Variants in TGFBI observed in about 807,000 individuals in gnomAD.
TGFBI encodes transforming growth factor-beta-induced protein ig-h3.
In TGFBI, 50 loss-of-function variants were observed where a neutral mutation model predicts 73.7. The observed-to-expected ratio is 0.68, with a 90% CI of 0.54 to 0.86. The LOEUF (loss-of-function observed/expected upper bound fraction) is 0.86, where lower values mean the gene tolerates loss of function less well. Among genes scored for constraint, TGFBI ranks in the 40% least tolerant of loss-of-function variants. TGFBI has a pLI of 0.00. For synonymous variants in TGFBI, 362 were observed against 360.5 expected (o/e 1.00, Z -0.05); for missense variants, 839 against 877.0 (o/e 0.96, Z 0.55).
At chr5:136,034,805 T>A (rs1751186391) in intron 2 of TGFBI, among the ~76,000 whole-genome samples, 1 of 152,178 alleles carries the variant, frequency 6.6e-6, no homozygotes, top group South Asian at 2.1e-4. Flanking sequence ...ATGACAAATC[T>A]CCTGAGCCAC....
chr5:136,049,809 G>C, intron 7 of TGFBI: 1 of 505,266 alleles, frequency 2.0e-6, no homozygotes, highest in Non-Finnish European at 3.5e-6. Context: ...GTCTGGGAGA[G>C]CTGGACTGAA....
At position 136,056,812 on chromosome 5, in the gene TGFBI, G is replaced by T. The variant is rs1580721096; in HGVS notation, c.1678+17G>T. On this transcript the variant is annotated intron_variant, in intron 12 of 16. Coordinates refer to ENST00000442011, the MANE Select transcript of TGFBI (RefSeq NM_000358.3). ...GACTCTTGGGTAAAGACCAACTTAA[G>T]TACACGTCTCCATTTTTCTAAAGTA... 1.2e-6 allele frequency: 2 copies of T among 1,605,208 alleles called. No homozygotes were observed. The highest frequency in any genetic ancestry group is 8.5e-7 in the Non-Finnish European group (1 of 1,175,168).
chr5:136,055,019 G>C, intron 10 of TGFBI, 158 bp downstream of exon 10: 1 of 877,618 alleles, frequency 1.1e-6, no homozygotes, highest in East Asian at 2.4e-5. Flanking sequence ...AACAAAATGA[G>C]ATCCTGCAGA....
chr5:136,033,698 T>C (rs1439608217), intron 1 of TGFBI, 65 bp from the exon 2 acceptor site: 4 of 1,371,540 alleles, frequency 2.9e-6, no homozygotes, highest in Non-Finnish European at 4.1e-6. Flanking sequence ...GCAAACACGA[T>C]GGGAGTCATT....
chr5:136,061,802 C>T (rs939037397), intron 15 of TGFBI, among the ~76,000 whole-genome samples: 1 of 152,246 alleles, frequency 6.6e-6, no homozygotes, highest in Admixed American at 6.5e-5. Flanking sequence ...CGCAGGCTTT[C>T]ACACCGAGGC....
chr5:136,049,017 G>A (rs769080604), intron 6 of TGFBI: 88 of 168,184 alleles, frequency 5.2e-4, no homozygotes, highest in Middle Eastern at 2.9e-3. Context: ...AGTGTGAGGA[G>A]GGCTGCAAGC....
intron 1 of TGFBI, among the ~76,000 whole-genome samples, chr5:136,029,903 G>A (rs888329830): frequency 6.6e-6 from 1 of 152,148 alleles, no homozygotes; most frequent in African/African-American, 2.4e-5. Context: ...AGTAATAGCT[G>A]GGTTTGTAAA....
chr5:136,056,269 C>G (rs1183224314), intron 11 of TGFBI, among the ~76,000 whole-genome samples: 2 of 152,176 alleles, frequency 1.3e-5, no homozygotes, highest in East Asian at 3.9e-4. Flanking sequence ...GGGGTGCTGT[C>G]ATATTGAATG....
Position 136,047,282 on chromosome 5 carries a change from T to C in TGFBI, c.633T>C (p.Thr211=). The change falls in exon 6 of 17, where the codon ACT becomes ACC. Residue 211 remains threonine (T), a synonymous_variant. Coordinates refer to ENST00000442011, the MANE Select transcript of TGFBI (RefSeq NM_000358.3). ...QIHHYPNGIV[T]VNCARLLKAD... is the part of the protein sequence containing the mutation. ...GCTGCTTCTCTGGGCAGATTGTAAC[T>C]GTGAACTGTGCCCGGCTGCTGAAAG... 6.2e-7 allele frequency: 1 copy of C among 1,613,832 alleles called. No homozygotes were observed. Among genetic ancestry groups the C allele is most frequent in the Non-Finnish European group, 8.5e-7 (1 of 1,179,840 alleles).
chr5:136,063,325 C>T lies in TGFBI; in HGVS notation c.*99C>T. 9.0e-7 allele frequency: 1 copy of T among 1,108,214 alleles called. No homozygotes were observed. Among genetic ancestry groups the T allele is most frequent in the Non-Finnish European group, 1.4e-6 (1 of 738,602 alleles). The allele number at this position is 1,108,214 out of a possible 1,614,324, so 68.6% of individuals were successfully genotyped here. A position where few individuals can be genotyped will look rare whatever the true frequency, so the allele number is the denominator to read the frequency against. The stretch of plus-strand genomic sequence containing the variant: ...TGAATGTTTTCAAAACCAAGTATCA[C>T]ACTTTAATGTACATGGGCCGCACCA... On this transcript the variant is annotated 3_prime_UTR_variant, in exon 17 of 17. Coordinates refer to ENST00000442011, the MANE Select transcript of TGFBI (RefSeq NM_000358.3).
At chr5:136,057,711 G>A (rs1381740516) in intron 12 of TGFBI, among the ~76,000 whole-genome samples, 1 of 152,058 alleles carries the variant, frequency 6.6e-6, no homozygotes, top group Non-Finnish European at 1.5e-5. Flanking sequence ...GGCCCACATT[G>A]TCTACACCTC....
intron 1 of TGFBI, among the ~76,000 whole-genome samples, chr5:136,030,981 T>C (rs1464651975): frequency 6.6e-6 from 1 of 152,108 alleles, no homozygotes; most frequent in Non-Finnish European, 1.5e-5. Context: ...GAAAACAGGG[T>C]TTTTTTCTTA....
chr5:136,060,019 C>A (rs567103028), intron 13 of TGFBI, among the ~76,000 whole-genome samples: 2 of 152,356 alleles, frequency 1.3e-5, no homozygotes, highest in Non-Finnish European at 2.9e-5. Context: ...CATGGCCCTT[C>A]AGGAAGGCCT....
chr5:136,055,403 C>A, intron 10 of TGFBI: 2 of 339,026 alleles, frequency 5.9e-6, no homozygotes, highest in South Asian at 1.3e-4. Flanking sequence ...TTTATTTCAA[C>A]ATTGTCAATG....
intron 16 of TGFBI, among the ~76,000 whole-genome samples, chr5:136,062,976 G>A (rs942526888): frequency 1.3e-5 from 2 of 152,194 alleles, no homozygotes; most frequent in Non-Finnish European, 2.9e-5. Flanking sequence ...CCCATGGTGA[G>A]GATCTAGTTC....
chr5:136,029,230 T>C (rs1198152694), intron 1 of TGFBI, 41 bp downstream of exon 1: 2 of 1,429,600 alleles, frequency 1.4e-6, no homozygotes, highest in Admixed American at 5.3e-5. Flanking sequence ...GAAGGTCAGG[T>C]AGTCGGGGCT....
chr5:136,056,640 A>T (rs796996840), intron 11 of TGFBI, 25 bp from the exon 12 acceptor site: 2 of 1,613,564 alleles, frequency 1.2e-6, no homozygotes, highest in African/African-American at 2.7e-5. Context: ...TTGACAGGTG[A>T]CATTTTCTGT....
intron 12 of TGFBI, among the ~76,000 whole-genome samples, chr5:136,057,793 A>G (rs992703283): frequency 6.6e-6 from 1 of 152,094 alleles, no homozygotes; most frequent in African/African-American, 2.4e-5. Context: ...GTCCTGTTTA[A>G]TTTTCTTTAT....
chr5:136,032,066 A>G (rs1751130229), intron 1 of TGFBI, among the ~76,000 whole-genome samples: 1 of 152,112 alleles, frequency 6.6e-6, no homozygotes, highest in African/African-American at 2.4e-5. Context: ...AATAAATAGG[A>G]CCGGGGGCTG....
Sources: gnomAD v4.1 joint callset for allele counts (sites outside exome capture counted in the v4.1 genomes callset) on GRCh38, gnomAD v4.1.1 for gene constraint, MANE v1.5 for transcripts, NCBI Gene and HGNC (gene_info 2026-07-23, HGNC 2026-07-21) for gene names.